NEMP2: variants seen among roughly 807,000 people sequenced by gnomAD.
NEMP2 encodes nuclear envelope integral membrane protein 2.
Under a neutral mutation model 54.2 loss-of-function variants are expected in NEMP2, and 53 were observed. The observed-to-expected ratio is 0.98, with a 90% CI of 0.78 to 1.23. NEMP2 has a LOEUF of 1.23. NEMP2 is among the 50% of genes most tolerant of loss of function. The pLI is 0.00. For missense variants in NEMP2, 455 were observed against 511.3 expected (o/e 0.89, Z 1.06); for synonymous variants, 197 against 190.3 (o/e 1.04, Z -0.29).
the NEMP2 span, among the ~76,000 whole-genome samples, chr2:190,597,123 G>A: frequency 7.9e-5 from 12 of 151,980 alleles, no homozygotes; most frequent in South Asian, 2.1e-4. The surrounding 1 kb of genome is among the most constrained non-coding windows in gnomAD (Gnocchi z 4.7). Flanking sequence ...AATTAGTTGG[G>A]TGTGGTGGTG....
At chr2:190,592,634 A>G in the NEMP2 span, among the ~76,000 whole-genome samples, 2 of 152,170 alleles carry the variant, frequency 1.3e-5, no homozygotes, top group African/African-American at 4.8e-5. This position sits in a 1 kb window ranked among gnomAD's most constrained non-coding sequence, Gnocchi z 4.4. Context: ...ACCTACTATA[A>G]TATTTTGTAT....
chr2:190,632,367 G>C, the NEMP2 span, among the ~76,000 whole-genome samples: 1 of 152,222 alleles, frequency 6.6e-6, no homozygotes, highest in South Asian at 2.1e-4. This position sits in a 1 kb window ranked among gnomAD's most constrained non-coding sequence, Gnocchi z 4.8. Flanking sequence ...ACCATTTCCT[G>C]TATTCTCAGC....
At chr2:190,442,415 T>C in the NEMP2 span, among the ~76,000 whole-genome samples, 2 of 151,958 alleles carry the variant, frequency 1.3e-5, no homozygotes, top group African/African-American at 4.8e-5. Context: ...CTGGAGGCAG[T>C]AGGTAGCCAT....
the NEMP2 span, among the ~76,000 whole-genome samples, chr2:190,545,854 T>G: frequency 6.6e-6 from 1 of 152,228 alleles, no homozygotes; most frequent in Admixed American, 6.5e-5. Flanking sequence ...GCTGTCTCTT[T>G]GTACTCCGTA....
At chr2:190,500,188 G>C, downstream of NEMP2, 1 of 1,614,228 alleles carries the variant, frequency 6.2e-7, no homozygotes, top group Non-Finnish European at 8.5e-7. This position sits in a 1 kb window ranked among gnomAD's most constrained non-coding sequence, Gnocchi z 5.3. Context: ...GTGAAGAGCA[G>C]CAGGCTCAGC....
the NEMP2 span, among the ~76,000 whole-genome samples, chr2:190,454,892 A>G: frequency 2.0e-5 from 3 of 151,588 alleles, no homozygotes; most frequent in African/African-American, 7.3e-5. The surrounding 1 kb of genome is among the most constrained non-coding windows in gnomAD (Gnocchi z 4.6). Flanking sequence ...GGCAACGGCA[A>G]ACTTGTATTT....
chr2:190,531,360 G>T lies in NEMP2; in HGVS notation c.97+3199C>A, dbSNP rs1162245130. On this transcript the variant is annotated intron_variant, in intron 1 of 8. Transcript: ENST00000409150. This position sits in a 1 kb window ranked among gnomAD's most constrained non-coding sequence, Gnocchi z 4.7. Reference sequence around the variant, plus strand: ...CTCAAGGACTGAGGAGTATCTGTGGGATCAACCCTGAATGCCATCCTTACT... The same window carrying T: ...CTCAAGGACTGAGGAGTATCTGTGGTATCAACCCTGAATGCCATCCTTACT... 6.6e-6 allele frequency among the ~76,000 whole-genome samples: 1 copy of T among 152,154 alleles called. No individual in the cohort carries two copies. The highest frequency in any genetic ancestry group is 1.9e-4 in the East Asian group (1 of 5,186).
chr2:190,425,660 T>C, the NEMP2 span, among the ~76,000 whole-genome samples: 3 of 152,226 alleles, frequency 2.0e-5, no homozygotes, highest in Non-Finnish European at 4.4e-5. The surrounding 1 kb of genome is among the most constrained non-coding windows in gnomAD (Gnocchi z 4.3). Context: ...TTGACTGACT[T>C]TGAAATATTG....
At chr2:190,487,536 T>C in the NEMP2 span, among the ~76,000 whole-genome samples, 2 of 152,078 alleles carry the variant, frequency 1.3e-5, no homozygotes, top group Middle Eastern at 3.2e-3. This position sits in a 1 kb window ranked among gnomAD's most constrained non-coding sequence, Gnocchi z 5.5. Flanking sequence ...CCAGAATATA[T>C]AAAGAGCTCC....
chr2:190,486,993 T>A, the NEMP2 span, among the ~76,000 whole-genome samples: 1 of 152,344 alleles, frequency 6.6e-6, no homozygotes, highest in South Asian at 2.1e-4. Flanking sequence ...GGTGAAGATA[T>A]AAAACTGGTA....
At chr2:190,469,802 A>C in the NEMP2 span, 1 of 1,607,926 alleles carries the variant, frequency 6.2e-7, no homozygotes, top group East Asian at 2.2e-5. The surrounding 1 kb of genome is among the most constrained non-coding windows in gnomAD (Gnocchi z 5.3). Context: ...CGCTATATTT[A>C]TATTTCCTAC....
the NEMP2 span, among the ~76,000 whole-genome samples, chr2:190,555,182 C>T: frequency 6.6e-6 from 1 of 152,084 alleles, no homozygotes; most frequent in African/African-American, 2.4e-5. The surrounding 1 kb of genome is among the most constrained non-coding windows in gnomAD (Gnocchi z 4.8). Context: ...AATTCAAAGA[C>T]CAAGGGTAGA....
chr2:190,578,916 G>C, the NEMP2 span, among the ~76,000 whole-genome samples: 1 of 152,168 alleles, frequency 6.6e-6, no homozygotes, highest in Non-Finnish European at 1.5e-5. The surrounding 1 kb of genome is among the most constrained non-coding windows in gnomAD (Gnocchi z 4.4). Flanking sequence ...TCTGGCCTCT[G>C]ATCTGACCCC....
chr2:190,608,866 A>C, the NEMP2 span: 1 of 152,188 alleles, frequency 6.6e-6, no homozygotes, highest in South Asian at 2.1e-4. This position sits in a 1 kb window ranked among gnomAD's most constrained non-coding sequence, Gnocchi z 4.9. Flanking sequence ...CTGTTAGCTG[A>C]ACCTTATTAA....
At chr2:190,459,117 C>G in the NEMP2 span, among the ~76,000 whole-genome samples, 171 of 152,326 alleles carry the variant, frequency 1.1e-3, no homozygotes, top group Non-Finnish European at 2.1e-3. This position sits in a 1 kb window ranked among gnomAD's most constrained non-coding sequence, Gnocchi z 5.3. Flanking sequence ...CCAGAACATC[C>G]TATCCAAGAC....
At chr2:190,556,815 G>A in the NEMP2 span, among the ~76,000 whole-genome samples, 10 of 152,114 alleles carry the variant, frequency 6.6e-5, no homozygotes, top group Non-Finnish European at 1.5e-5. Context: ...ACTGCTCAAG[G>A]AAATAAGAGA....
upstream of NEMP2, among the ~76,000 whole-genome samples, chr2:190,536,339 A>C (rs967016989): frequency 1.3e-5 from 2 of 152,160 alleles, no homozygotes; most frequent in African/African-American, 4.8e-5. Flanking sequence ...TCTGGAGAAG[A>C]GATAGAAGCA....
the NEMP2 span, among the ~76,000 whole-genome samples, chr2:190,493,563 C>T: frequency 6.6e-6 from 1 of 152,112 alleles, no homozygotes; most frequent in Admixed American, 6.5e-5. Flanking sequence ...TTCTACCCAA[C>T]AACTGCAGAA....
the NEMP2 span, among the ~76,000 whole-genome samples, chr2:190,495,127 G>C: frequency 6.6e-6 from 1 of 152,090 alleles, no homozygotes; most frequent in Middle Eastern, 3.2e-3. This position sits in a 1 kb window ranked among gnomAD's most constrained non-coding sequence, Gnocchi z 4.7. Flanking sequence ...AAAGCTCTTA[G>C]AACTGATAAA....
Sources: allele counts gnomAD v4.1 joint callset (sites outside exome capture counted in the v4.1 genomes callset), GRCh38; gene constraint gnomAD v4.1.1; non-coding constraint Gnocchi (gnomAD v3.1); transcripts MANE v1.5; gene names NCBI Gene and HGNC (gene_info 2026-07-23, HGNC 2026-07-21).